Variants in TDRD7 observed in about 807,000 individuals in gnomAD.
The protein encoded by TDRD7 is tudor domain containing 7.
Under a neutral mutation model 109.8 loss-of-function variants are expected in TDRD7, and 47 were observed. The observed-to-expected ratio is 0.43, with a 90% CI of 0.34 to 0.55. TDRD7 has a LOEUF of 0.55. Ranked by LOEUF, TDRD7 falls within the 20% of genes least tolerant of loss-of-function variation. The pLI is 0.03. For synonymous variants in TDRD7, 424 were observed against 457.3 expected, an observed-to-expected ratio of 0.93 and a Z score of 0.93; for missense variants, 1,164 against 1,319.2, an observed-to-expected ratio of 0.88 and a Z score of 1.82.
intron 9 of TDRD7, 142 bp from the exon 10 acceptor site, chr9:97,472,151 A>G: frequency 1.3e-6 from 1 of 758,478 alleles, no homozygotes; most frequent in Non-Finnish European, 2.2e-6. Context: ...TAAAGATTGT[A>G]AAACAAAGCT....
intron 11 of TDRD7, among the ~76,000 whole-genome samples, chr9:97,475,169 T>C (rs1276446806): frequency 6.6e-6 from 1 of 152,196 alleles, no homozygotes; most frequent in Non-Finnish European, 1.5e-5. Context: ...TTATGAGCCA[T>C]GTGCATGTAG....
At chr9:97,481,802 C>T (rs1402170812) in intron 14 of TDRD7, among the ~76,000 whole-genome samples, 1 of 152,076 alleles carries the variant, frequency 6.6e-6, no homozygotes, top group Non-Finnish European at 1.5e-5. Context: ...TAAAACTGTA[C>T]TTCTGTATTA....
intron 8 of TDRD7, 120 bp from the exon 9 acceptor site, chr9:97,470,438 A>G (rs933483995): frequency 3.3e-6 from 3 of 914,884 alleles, no homozygotes; most frequent in Non-Finnish European, 5.2e-6. Flanking sequence ...AGCTTTTTCC[A>G]GGTGCCACTC....
At chr9:97,415,322 A>G (rs903134746) in intron 1 of TDRD7, among the ~76,000 whole-genome samples, 4 of 152,224 alleles carry the variant, frequency 2.6e-5, no homozygotes, top group Admixed American at 6.5e-5. Flanking sequence ...CTTTGACACC[A>G]GTAGTTAGAG....
At position 97,432,297 on chromosome 9, in the gene TDRD7, G is replaced by C; in HGVS notation, c.563+59G>C. The C allele has an allele frequency of 3.5e-6, 5 of 1,422,290 alleles. No individual in the cohort carries two copies. The South Asian group carries it at 4.6e-5, about 13-fold the overall frequency. 88.1% of individuals were successfully genotyped at this position (1,422,290 alleles called of 1,614,324 possible). On this transcript the variant is annotated intron_variant, in intron 4 of 16. Coordinates refer to ENST00000355295, the MANE Select transcript of TDRD7 (RefSeq NM_014290.3). ...ATCTAGGGTAAAAAGTGTTACAAAT[G>C]TATGTTCAGGTTAAGAAAGAAACAC...
At chr9:97,445,312 C>T (rs182640609) in intron 6 of TDRD7, among the ~76,000 whole-genome samples, 27 of 152,290 alleles carry the variant, frequency 1.8e-4, no homozygotes, top group Admixed American at 5.9e-4. Context: ...TTATAAAATG[C>T]TTCCGTGTGC....
At chr9:97,477,266 A>G (rs569789437) in intron 12 of TDRD7, among the ~76,000 whole-genome samples, 64 of 152,316 alleles carry the variant, frequency 4.2e-4, no homozygotes, top group African/African-American at 1.3e-3. Context: ...ATACAAAACC[A>G]TTAGTTAATC....
At position 97,487,278 on chromosome 9, in the gene TDRD7, C is replaced by T. The variant is rs1829227225; in HGVS notation, c.3022C>T (p.Leu1008=). The T allele has an allele frequency of 1.9e-6, 3 of 1,613,968 alleles. No individual in the cohort carries two copies. The change falls in exon 16 of 17, where the codon CTA becomes TTA. Residue 1008 remains leucine (L), a synonymous_variant. Transcript: ENST00000355295. ...ELVNIRKVQP[L]VDMFRKLPFQ... ...AGTCAACATAAGAAAAGTACAGCCC[C>T]TAGTGGACATGTTCCGAAAGCTGCC...
rs151125783 is a variant in TDRD7, at chr9:97,491,570, T to C, written c.3077-4093T>C. Among the ~76,000 whole-genome samples the C allele has an allele frequency of 3.8e-3, 576 of 152,306 alleles. 6 individuals are homozygous for C. Among genetic ancestry groups the C allele is most frequent in the East Asian group, 0.015 (79 of 5,182 alleles). ...CTGGGGTGTGAGGGATGTTATGTAG[T>C]CCTATGATTAGGTCTCAGTCTTTTG... On this transcript the variant is annotated intron_variant, in intron 16 of 16. Transcript: ENST00000355295.
chr9:97,434,985 A>G (rs945191087), intron 4 of TDRD7, among the ~76,000 whole-genome samples: 1 of 152,170 alleles, frequency 6.6e-6, no homozygotes, highest in African/African-American at 2.4e-5. Context: ...GATAGATAAC[A>G]GATTAGTGGT....
chr9:97,429,722 G>A (rs1011840430), intron 2 of TDRD7, among the ~76,000 whole-genome samples: 9 of 152,040 alleles, frequency 5.9e-5, no homozygotes, highest in African/African-American at 1.9e-4. Context: ...TAATACATCC[G>A]TTATCACACT....
At chr9:97,421,615 G>T (rs1827900458) in intron 1 of TDRD7, among the ~76,000 whole-genome samples, 1 of 151,716 alleles carries the variant, frequency 6.6e-6, no homozygotes, top group East Asian at 1.9e-4. Flanking sequence ...TTTGAGACAG[G>T]TTCTCACTCT....
In TDRD7 at chr9:97,445,261, T is replaced by A. The variant is rs1009516374; in HGVS notation, c.855+3386T>A. On this transcript the variant is annotated intron_variant, in intron 6 of 16. Transcript: ENST00000355295. ...TGTTCTAGAGCAGTAGTCTTGTTAA[T>A]AGTGCTCTCGTTTAACTGTTGTATT... Among the ~76,000 whole-genome samples the A allele has an allele frequency of 2.7e-5, 4 of 146,214 alleles. No individual in the cohort carries two copies. The East Asian group carries it at 8.1e-4, about 29-fold the overall frequency.
chr9:97,469,927 A>T (rs1324363552), intron 8 of TDRD7, among the ~76,000 whole-genome samples: 1 of 152,126 alleles, frequency 6.6e-6, no homozygotes, highest in Non-Finnish European at 1.5e-5. Flanking sequence ...CTGAAAGAAG[A>T]CCTAACCCAG....
rs1829340588 is a variant in TDRD7, at chr9:97,493,530, G to A, written c.3077-2133G>A. On this transcript the variant is annotated intron_variant, in intron 16 of 16. Transcript: ENST00000355295. ...GAGATCACAGGACCACAGGACCGGG[G>A]CGAAATTAAAAGTGCTAATGAAGTT... 2.6e-5 allele frequency among the ~76,000 whole-genome samples: 4 copies of A among 152,152 alleles called. No individual in the cohort carries two copies. In the South Asian group the frequency reaches 8.3e-4, roughly 32 times the overall value.
intron 13 of TDRD7, among the ~76,000 whole-genome samples, chr9:97,479,725 C>G (rs984752550): frequency 6.6e-6 from 1 of 152,164 alleles, no homozygotes; most frequent in South Asian, 2.1e-4. Flanking sequence ...CCCTTAAATA[C>G]TGAGTTTTGG....
chr9:97,439,607 C>A (rs1407103191), intron 5 of TDRD7, among the ~76,000 whole-genome samples: 2 of 152,164 alleles, frequency 1.3e-5, no homozygotes, highest in Non-Finnish European at 2.9e-5. Context: ...ACTCTCTCAC[C>A]TCTTAGGGGG....
intron 6 of TDRD7, among the ~76,000 whole-genome samples, chr9:97,457,440 A>G (rs2118469665): frequency 6.6e-6 from 1 of 152,078 alleles, no homozygotes; most frequent in East Asian, 1.9e-4. Context: ...GTGCAATGGC[A>G]TGATCTTGGC....
chr9:97,489,820 C>G (rs1295312722), intron 16 of TDRD7, among the ~76,000 whole-genome samples: 1 of 152,018 alleles, frequency 6.6e-6, no homozygotes, highest in Non-Finnish European at 1.5e-5. Context: ...AATTATATCT[C>G]TATTTTTTCC....
Sources: allele counts gnomAD v4.1 joint callset (sites outside exome capture counted in the v4.1 genomes callset), GRCh38; gene constraint gnomAD v4.1.1; transcripts MANE v1.5; gene names NCBI Gene and HGNC (gene_info 2026-07-23, HGNC 2026-07-21).